Variants in CWC27 observed in about 807,000 individuals in gnomAD.
CWC27 encodes the protein spliceosome-associated protein CWC27 homolog.
In CWC27, 47 loss-of-function variants were observed where a neutral mutation model predicts 63.6. The ratio of observed to expected loss-of-function variants is 0.74; its 90% CI spans 0.58 to 0.94. CWC27 has a LOEUF of 0.94. CWC27 is among the 40% of genes least tolerant of loss of function. CWC27 has a pLI of 0.00. For synonymous variants in CWC27, 175 were observed against 179.8 expected, an observed-to-expected ratio of 0.97 and a Z score of 0.22; for missense variants, 495 against 554.3, an observed-to-expected ratio of 0.89 and a Z score of 1.07.
At chr5:64,957,222 A>G (rs1156964915) in intron 11 of CWC27, among the ~76,000 whole-genome samples, 1 of 152,190 alleles carries the variant, frequency 6.6e-6, no homozygotes, top group African/African-American at 2.4e-5. Context: ...GGGCAATTTT[A>G]GGTAGTACTT....
chr5:64,923,631 C>A (rs1433097710), intron 11 of CWC27, among the ~76,000 whole-genome samples: 1 of 143,826 alleles, frequency 7.0e-6, no homozygotes, highest in Non-Finnish European at 1.5e-5. Context: ...CGTCTTTGTT[C>A]TATTTCTCCC....
At chr5:64,910,096 C>G (rs547939648) in intron 11 of CWC27, among the ~76,000 whole-genome samples, 2 of 152,062 alleles carry the variant, frequency 1.3e-5, no homozygotes, top group Non-Finnish European at 2.9e-5. Context: ...TGTTGGTGAC[C>G]TACAGATGGG....
chr5:64,828,771 G>GT (rs1014949457), intron 10 of CWC27, among the ~76,000 whole-genome samples: 10 of 152,160 alleles, frequency 6.6e-5, no homozygotes, highest in African/African-American at 2.2e-4. Flanking sequence ...ATCTGGCTTA[G>GT]TTTTACCTGT....
At chr5:64,796,718 TC>T (rs911065808) in intron 7 of CWC27, among the ~76,000 whole-genome samples, 4 of 151,902 alleles carry the variant, frequency 2.6e-5, no homozygotes, top group African/African-American at 9.7e-5. Context: ...AGTTTCTTGG[TC>T]AATGTTGCTC....
chr5:64,789,081 C>A, intron 7 of CWC27, 61 bp downstream of exon 7: 1 of 1,153,256 alleles, frequency 8.7e-7, no homozygotes, highest in Non-Finnish European at 1.3e-6. Context: ...ATATCTTACT[C>A]ACTATTGTAT....
chr5:64,889,519 G>A (rs1210434666), intron 11 of CWC27, among the ~76,000 whole-genome samples: 7 of 152,270 alleles, frequency 4.6e-5, no homozygotes, highest in Non-Finnish European at 1.0e-4. Context: ...TGGATTTAGA[G>A]AAAATCCAGT....
intron 11 of CWC27, among the ~76,000 whole-genome samples, chr5:64,915,706 C>A (rs766201664): frequency 2.0e-5 from 3 of 152,140 alleles, no homozygotes; most frequent in Admixed American, 6.6e-5. Flanking sequence ...AGTTTAATGA[C>A]AGCTCCAAAA....
intron 13 of CWC27, among the ~76,000 whole-genome samples, chr5:64,999,344 A>T (rs942370764): frequency 5.9e-5 from 9 of 151,996 alleles, no homozygotes; most frequent in African/African-American, 2.2e-4. Flanking sequence ...TCATTCCTTT[A>T]TGTTGGGAAC....
At chr5:64,854,348 A>G (rs1459724961) in intron 10 of CWC27, among the ~76,000 whole-genome samples, 5 of 152,206 alleles carry the variant, frequency 3.3e-5, no homozygotes, top group Admixed American at 1.3e-4. Flanking sequence ...TGCTTTAAAT[A>G]TTTTGAGGAA....
At chr5:64,935,568 A>T (rs189437398) in intron 11 of CWC27, among the ~76,000 whole-genome samples, 1 of 152,126 alleles carries the variant, frequency 6.6e-6, no homozygotes, top group East Asian at 1.9e-4. Context: ...TTTGCTTAGG[A>T]TTGTCTTGGC....
At chr5:64,920,123 GCC>G (rs1160632391) in intron 11 of CWC27, among the ~76,000 whole-genome samples, 1 of 151,046 alleles carries the variant, frequency 6.6e-6, no homozygotes, top group Non-Finnish European at 1.5e-5. Context: ...CCGCCATCAT[GCC>G]CAGCTAATTT....
chr5:65,014,347 G>A (rs266582), intron 13 of CWC27, among the ~76,000 whole-genome samples: 55,852 of 146,674 alleles, frequency 0.38, 10,976 homozygotes, highest in Non-Finnish European at 0.44. Flanking sequence ...ATAATATATA[G>A]CTATATATTA....
chr5:64,785,890 C>T (rs1208711260), intron 5 of CWC27, among the ~76,000 whole-genome samples: 1 of 151,974 alleles, frequency 6.6e-6, no homozygotes, highest in African/African-American at 2.4e-5. Flanking sequence ...ATCTGCTGGG[C>T]ACGGTGGCTC....
chr5:64,791,374 G>C (rs1225944359), intron 7 of CWC27, among the ~76,000 whole-genome samples: 1 of 151,990 alleles, frequency 6.6e-6, no homozygotes, highest in Non-Finnish European at 1.5e-5. Flanking sequence ...ACATTATACT[G>C]AATATTGTGA....
chr5:64,769,188 G>A lies in CWC27; in HGVS notation c.42G>A (p.Lys14=), dbSNP rs747799215. 1.9e-6 allele frequency: 3 copies of A among 1,614,088 alleles called. No individual in the cohort carries two copies. Among genetic ancestry groups the A allele is most frequent in the South Asian group, 1.1e-5 (1 of 91,086 alleles). Residue 14 remains lysine, a splice_region_variant and synonymous_variant, in exon 1 of 14, where the codon AAG becomes AAA. Transcript: ENST00000381070. ...IYIQEPPTNG[K]VLLKTTAGDI... is the part of the protein sequence containing the mutation. ...TCCAGGAGCCTCCCACGAATGGGAA[G>A]GTGAGAGCCTCATCTAGGGAACTTG...
intron 12 of CWC27, among the ~76,000 whole-genome samples, chr5:64,975,377 C>T (rs1749211643): frequency 6.6e-6 from 1 of 152,122 alleles, no homozygotes; most frequent in Non-Finnish European, 1.5e-5. Flanking sequence ...AACTGTCACA[C>T]ATCTTTTTCC....
chr5:64,902,733 T>C (rs1415423042), intron 11 of CWC27, among the ~76,000 whole-genome samples: 1 of 152,158 alleles, frequency 6.6e-6, no homozygotes, highest in African/African-American at 2.4e-5. Context: ...TAGGATCAAC[T>C]AATCAATTTC....
At chr5:64,848,643 T>C (rs1580670964) in intron 10 of CWC27, among the ~76,000 whole-genome samples, 1 of 152,162 alleles carries the variant, frequency 6.6e-6, no homozygotes, top group African/African-American at 2.4e-5. Context: ...TCTACCATGA[T>C]CAAATGGGAT....
intron 7 of CWC27, among the ~76,000 whole-genome samples, chr5:64,796,057 T>C (rs1744255893): frequency 6.7e-6 from 1 of 148,802 alleles, no homozygotes; most frequent in Non-Finnish European, 1.5e-5. Flanking sequence ...ATAAGCTCAT[T>C]TGAGGTGTTG....
Sources: allele counts gnomAD v4.1 joint callset (sites outside exome capture counted in the v4.1 genomes callset), GRCh38; gene constraint gnomAD v4.1.1; transcripts MANE v1.5; gene names NCBI Gene and HGNC (gene_info 2026-07-23, HGNC 2026-07-21).